The following BRD10 variants were observed in gnomAD, a reference collection of about 807,000 sequenced individuals.
BRD10 encodes uncharacterized bromodomain-containing protein 10.
the BRD10 span, among the ~76,000 whole-genome samples, chr9:5,951,199 T>C: frequency 2.4e-4 from 36 of 152,094 alleles, no homozygotes; most frequent in Non-Finnish European, 4.7e-4. Context: ...GGTGTGTATA[T>C]AAACATGGAT....
At chr9:5,889,122 A>C in the BRD10 span, among the ~76,000 whole-genome samples, 1 of 152,226 alleles carries the variant, frequency 6.6e-6, no homozygotes, top group Non-Finnish European at 1.5e-5. Flanking sequence ...ATGCTCAGCA[A>C]ATCAATGAGT....
the BRD10 span, among the ~76,000 whole-genome samples, chr9:5,912,053 CTTTGA>C: frequency 6.6e-6 from 1 of 152,068 alleles, no homozygotes; most frequent in African/African-American, 2.4e-5. Flanking sequence ...TCTGTGTTCT[CTTTGA>C]TTTCTTTCTT....
the BRD10 span, among the ~76,000 whole-genome samples, chr9:5,986,790 A>G: frequency 6.6e-6 from 1 of 152,194 alleles, no homozygotes; most frequent in African/African-American, 2.4e-5. Flanking sequence ...ATTTGATGTC[A>G]GGGCACACAT....
chr9:5,954,903 C>T, the BRD10 span, among the ~76,000 whole-genome samples: 84 of 152,206 alleles, frequency 5.5e-4, 1 homozygote, highest in East Asian at 0.015. Flanking sequence ...GCCTAGTTAA[C>T]AGGGCGAAAC....
chr9:5,940,361 A>AT, the BRD10 span, among the ~76,000 whole-genome samples: 27 of 151,732 alleles, frequency 1.8e-4, no homozygotes, highest in South Asian at 4.2e-4. Flanking sequence ...AGCCTGGCTA[A>AT]TTTTTGTATT....
chr9:5,984,411 G>A, the BRD10 span, among the ~76,000 whole-genome samples: 1 of 152,246 alleles, frequency 6.6e-6, no homozygotes, highest in Non-Finnish European at 1.5e-5. Context: ...AGCACATCCT[G>A]TAAATCCTAC....
At chr9:5,972,075 C>A in the BRD10 span, among the ~76,000 whole-genome samples, 1 of 152,042 alleles carries the variant, frequency 6.6e-6, no homozygotes, top group African/African-American at 2.4e-5. Flanking sequence ...ACAACAACAA[C>A]AAAATCAAAT....
At chr9:5,974,127 T>A in the BRD10 span, among the ~76,000 whole-genome samples, 1 of 151,938 alleles carries the variant, frequency 6.6e-6, no homozygotes, top group Non-Finnish European at 1.5e-5. Flanking sequence ...ACAAAAAAAA[T>A]CTTAAAAGAT....
the BRD10 span, among the ~76,000 whole-genome samples, chr9:5,905,314 C>A: frequency 6.6e-6 from 1 of 152,192 alleles, no homozygotes; most frequent in Non-Finnish European, 1.5e-5. Flanking sequence ...TGAGTGTTGG[C>A]CATGACGGGA....
the BRD10 span, among the ~76,000 whole-genome samples, chr9:5,977,678 A>C: frequency 1.3e-5 from 2 of 152,262 alleles, no homozygotes; most frequent in East Asian, 3.9e-4. Flanking sequence ...TACTAAAAAT[A>C]CAAAAAATTA....
At chr9:5,898,876 G>GT in the BRD10 span, 1 of 152,164 alleles carries the variant, frequency 6.6e-6, no homozygotes, top group African/African-American at 2.4e-5. Flanking sequence ...TCACTTGTGT[G>GT]TTTTTTAACA....
chr9:5,914,388 T>C, the BRD10 span, among the ~76,000 whole-genome samples: 1 of 148,610 alleles, frequency 6.7e-6, no homozygotes, highest in African/African-American at 2.5e-5. Context: ...ATTCCTAAGA[T>C]GGTGTTTTAC....
At chr9:5,931,809 T>C in the BRD10 span, among the ~76,000 whole-genome samples, 2 of 152,212 alleles carry the variant, frequency 1.3e-5, no homozygotes, top group Non-Finnish European at 2.9e-5. Flanking sequence ...GGCACCCCTA[T>C]ACCCTGCCAT....
At chr9:5,958,954 G>A in the BRD10 span, among the ~76,000 whole-genome samples, 3 of 152,238 alleles carry the variant, frequency 2.0e-5, no homozygotes, top group East Asian at 5.8e-4. Flanking sequence ...TCTATCTCAA[G>A]TAAGCAATTT....
At chr9:5,920,655 G>C in the BRD10 span, 1 of 1,613,998 alleles carries the variant, frequency 6.2e-7, no homozygotes, top group Non-Finnish European at 8.5e-7. Context: ...GTCCGAGATT[G>C]TCTTTTAGAA....
At chr9:5,933,689 A>G in the BRD10 span, 1 of 439,458 alleles carries the variant, frequency 2.3e-6, no homozygotes, top group East Asian at 7.1e-5. Context: ...AAAACTACAC[A>G]ATATTGTAAA....
At chr9:5,973,929 G>A in the BRD10 span, among the ~76,000 whole-genome samples, 4 of 152,078 alleles carry the variant, frequency 2.6e-5, no homozygotes, top group African/African-American at 9.7e-5. Context: ...ACAAATTGTA[G>A]CTTCAGAAAG....
At chr9:5,896,550 T>G in the BRD10 span, among the ~76,000 whole-genome samples, 1 of 152,206 alleles carries the variant, frequency 6.6e-6, no homozygotes, top group African/African-American at 2.4e-5. Context: ...TAGTTAAACC[T>G]TGCTTCTCCT....
chr9:5,890,386 T>C, the BRD10 span, among the ~76,000 whole-genome samples: 2 of 152,218 alleles, frequency 1.3e-5, no homozygotes, highest in South Asian at 2.1e-4. Context: ...AAACTGTTCA[T>C]TGTTTATCTG....
Sources: allele counts gnomAD v4.1 joint callset (sites outside exome capture counted in the v4.1 genomes callset), GRCh38; gene constraint gnomAD v4.1.1; transcripts MANE v1.5; gene names NCBI Gene and HGNC (gene_info 2026-07-23, HGNC 2026-07-21).